The following APIP variants were observed in gnomAD, a reference collection of about 807,000 sequenced individuals.
APIP encodes methylthioribulose-1-phosphate dehydratase.
A neutral mutation model predicts 32.0 loss-of-function variants in APIP; 32 were observed. The observed-to-expected ratio is 1.00, with a 90% CI of 0.76 to 1.34. APIP has a LOEUF of 1.34. APIP is among the 40% of genes most tolerant of loss of function. APIP has a pLI of 0.00. For synonymous variants in APIP, 92 were observed against 94.8 expected, an observed-to-expected ratio of 0.97 and a Z score of 0.17; for missense variants, 247 against 298.6, an observed-to-expected ratio of 0.83 and a Z score of 1.27.
At chr11:34,892,925 G>GA (rs938823192) in intron 2 of APIP, among the ~76,000 whole-genome samples, 3 of 151,766 alleles carry the variant, frequency 2.0e-5, no homozygotes, top group African/African-American at 7.2e-5. Context: ...AAATATTAGG[G>GA]AAAAAAACCA....
intron 6 of APIP, among the ~76,000 whole-genome samples, 178 bp downstream of exon 6, chr11:34,883,159 A>G (rs1041120860): frequency 1.1e-4 from 17 of 152,198 alleles, no homozygotes; most frequent in African/African-American, 4.1e-4. Context: ...ACATTCCTAG[A>G]GCCTTGCCAA....
rs1024033055 is a variant in APIP, at chr11:34,903,776, T to C, written c.58-8666A>G. On this transcript the variant is annotated intron_variant, in intron 1 of 6. Coordinates refer to ENST00000395787, the MANE Select transcript of APIP (RefSeq NM_015957.4). ...AAACCTCAGTACTCCCCTACAGAAA[T>C]AGAATGGACCACTTTGTCTCGAGGG... Among the ~76,000 whole-genome samples, 43 of 152,140 alleles carry C rather than the reference T, an allele frequency of 2.8e-4. 1 individual carries two copies. The highest frequency in any genetic ancestry group is 2.1e-4 in the South Asian group (1 of 4,814).
chr11:34,914,765 C>A (rs1407929457), intron 1 of APIP, among the ~76,000 whole-genome samples: 1 of 151,752 alleles, frequency 6.6e-6, no homozygotes, highest in South Asian at 2.1e-4. Context: ...GCACTTTGGG[C>A]AGCTTAGGGG....
intron 1 of APIP, among the ~76,000 whole-genome samples, chr11:34,896,577 T>TG (rs1243479431): frequency 2.6e-5 from 4 of 151,818 alleles, no homozygotes; most frequent in African/African-American, 4.8e-5. Flanking sequence ...TGTCAGCAGA[T>TG]GGGGGGCTAG....
chr11:34,912,185 G>C (rs888280857), intron 1 of APIP, among the ~76,000 whole-genome samples: 1 of 152,132 alleles, frequency 6.6e-6, no homozygotes, highest in Admixed American at 6.5e-5. Flanking sequence ...GATGCCTGAA[G>C]AATCTTTAGA....
In APIP at chr11:34,898,785, GGT is replaced by G. The variant is rs1491460441; in HGVS notation, c.58-3677_58-3676del. On this transcript the variant is annotated intron_variant, in intron 1 of 6. Transcript: ENST00000395787. ...GCGAGCACATAGTATTTCTTTCTTT[GGT>G]TTTTTTTTTTTTTTTTTTTTTTTTT... Among the ~76,000 whole-genome samples, 197 of 92,074 alleles carry G rather than the reference GGT, an allele frequency of 2.1e-3. 6 individuals are homozygous for G. The highest frequency in any genetic ancestry group is 6.7e-3 in the Middle Eastern group (1 of 150). 60.4% of individuals were successfully genotyped at this position (92,074 alleles called of 152,430 possible). A position where few individuals can be genotyped will look rare whatever the true frequency, so the allele number is the denominator to read the frequency against.
chr11:34,893,075 T>A (rs996316811), intron 2 of APIP, among the ~76,000 whole-genome samples: 8 of 152,202 alleles, frequency 5.3e-5, no homozygotes, highest in Non-Finnish European at 1.2e-4. Context: ...ATTTCACATA[T>A]ATGATGAAAA....
chr11:34,895,876 T>C (rs1853261373), intron 1 of APIP, among the ~76,000 whole-genome samples: 1 of 152,042 alleles, frequency 6.6e-6, no homozygotes, highest in South Asian at 2.1e-4. Context: ...AATAAATAAA[T>C]AAATAAATAA....
At chr11:34,883,903 C>T (rs180758454) in intron 5 of APIP, among the ~76,000 whole-genome samples, 17 of 152,246 alleles carry the variant, frequency 1.1e-4, no homozygotes, top group Admixed American at 1.1e-3. Context: ...TTAAGAATTT[C>T]CCAATTAATA....
At chr11:34,905,318 G>T (rs1308085556) in intron 1 of APIP, among the ~76,000 whole-genome samples, 1 of 152,038 alleles carries the variant, frequency 6.6e-6, no homozygotes, top group Non-Finnish European at 1.5e-5. Context: ...CTAATTGTTG[G>T]GTCTGTCCTA....
chr11:34,908,678 A>C (rs1053210234), intron 1 of APIP, among the ~76,000 whole-genome samples: 2 of 152,256 alleles, frequency 1.3e-5, no homozygotes, highest in Non-Finnish European at 2.9e-5. Flanking sequence ...AATCTGGATC[A>C]GTGATCTCCA....
intron 1 of APIP, among the ~76,000 whole-genome samples, chr11:34,910,056 C>T (rs1288251537): frequency 5.3e-5 from 8 of 152,026 alleles, no homozygotes; most frequent in East Asian, 1.9e-4. Flanking sequence ...AGTGGAACAC[C>T]GAACTACTAG....
At chr11:34,886,629 C>G (rs926952112) in intron 5 of APIP, among the ~76,000 whole-genome samples, 1 of 152,228 alleles carries the variant, frequency 6.6e-6, no homozygotes, top group East Asian at 1.9e-4. Context: ...ACTTCCAGTT[C>G]TGCAAGCTCC....
At chr11:34,883,566 A>G (rs1158304315) in intron 5 of APIP, 62 bp from the exon 6 acceptor site, 5 of 1,517,976 alleles carry the variant, frequency 3.3e-6, no homozygotes, top group Non-Finnish European at 3.6e-6. Context: ...TATGTATACA[A>G]CATGTAATTT....
intron 1 of APIP, among the ~76,000 whole-genome samples, chr11:34,895,973 A>AT (rs1299981829): frequency 6.6e-6 from 1 of 152,242 alleles, no homozygotes; most frequent in Non-Finnish European, 1.5e-5. Flanking sequence ...TGAATAAATT[A>AT]TTTTTTAAAA....
intron 2 of APIP, among the ~76,000 whole-genome samples, chr11:34,893,393 T>G (rs902033976): frequency 2.0e-5 from 3 of 152,198 alleles, no homozygotes; most frequent in Non-Finnish European, 4.4e-5. Flanking sequence ...AGCAGTTAAC[T>G]AAAGACAGCA....
At chr11:34,912,265 G>A (rs954351555) in intron 1 of APIP, among the ~76,000 whole-genome samples, 1 of 152,132 alleles carries the variant, frequency 6.6e-6, no homozygotes, top group Admixed American at 6.5e-5. Flanking sequence ...AAAAATTATT[G>A]AATGGGCTAC....
At chr11:34,888,454 T>C (rs202180413) in intron 4 of APIP, 26 bp from the exon 5 acceptor site, 203 of 1,599,032 alleles carry the variant, frequency 1.3e-4, no homozygotes, top group Admixed American at 3.9e-4. Flanking sequence ...GAAAGCCGCA[T>C]GCTCAATGAA....
At chr11:34,915,910 C>T (rs1853669477) in intron 1 of APIP, 2 of 461,322 alleles carry the variant, frequency 4.3e-6, no homozygotes, top group Non-Finnish European at 7.7e-6. Flanking sequence ...ACGATTCCTT[C>T]TCTGGCCTGC....
Sources: gnomAD v4.1 joint callset for allele counts (sites outside exome capture counted in the v4.1 genomes callset) on GRCh38, gnomAD v4.1.1 for gene constraint, MANE v1.5 for transcripts, NCBI Gene and HGNC (gene_info 2026-07-23, HGNC 2026-07-21) for gene names.